Variants in CAMKMT observed in about 807,000 individuals in gnomAD.
CAMKMT encodes the protein calmodulin-lysine N-methyltransferase, also known as CaM KMT.
A neutral mutation model predicts 48.0 loss-of-function variants in CAMKMT; 53 were observed. The observed-to-expected ratio is 1.10, with a 90% CI of 0.89 to 1.39. CAMKMT has a LOEUF of 1.39. Among genes scored for constraint, CAMKMT ranks in the 40% most tolerant of loss-of-function variants. The pLI, the probability that CAMKMT is intolerant of heterozygous loss-of-function variation, is 0.00. For missense variants in CAMKMT, 428 were observed against 402.7 expected (o/e 1.06, Z -0.54); for synonymous variants, 165 against 152.3 (o/e 1.08, Z -0.61).
intron 2 of CAMKMT, among the ~76,000 whole-genome samples, chr2:44,378,063 A>C (rs1447221169): frequency 1.3e-5 from 2 of 152,252 alleles, no homozygotes; most frequent in Non-Finnish European, 2.9e-5. Flanking sequence ...ATTTAAAAGC[A>C]TAGTTTTATT....
At chr2:44,730,391 T>C (rs977067009) in intron 7 of CAMKMT, among the ~76,000 whole-genome samples, 7 of 152,248 alleles carry the variant, frequency 4.6e-5, no homozygotes, top group Non-Finnish European at 7.3e-5. Context: ...GTAATTCTTT[T>C]GTTTCATTTG....
chr2:44,492,542 G>C lies in CAMKMT; in HGVS notation c.376+102237G>C, dbSNP rs532444631. On this transcript the variant is annotated intron_variant, in intron 3 of 10. Transcript: ENST00000378494. ...TGTAGGTAAGGTGTTTTGCATCTGA[G>C]AGTGCGTTTGCCCAACTTAACTAAT... 5.5e-4 allele frequency among the ~76,000 whole-genome samples: 83 copies of C among 152,210 alleles called. 1 individual carries two copies. Among genetic ancestry groups the C allele is most frequent in the African/African-American group, 2.0e-3 (82 of 41,542 alleles).
At chr2:44,708,473 T>C (rs1160704851) in intron 6 of CAMKMT, among the ~76,000 whole-genome samples, 2 of 152,006 alleles carry the variant, frequency 1.3e-5, no homozygotes, top group African/African-American at 4.8e-5. Context: ...GTAACACTTG[T>C]ATGCTCTACA....
intron 3 of CAMKMT, among the ~76,000 whole-genome samples, chr2:44,433,398 AT>A (rs368383317): frequency 1.3e-5 from 2 of 150,920 alleles, no homozygotes; most frequent in African/African-American, 4.9e-5. Context: ...CTTTAAGTGT[AT>A]TTTTTTTTCA....
intron 2 of CAMKMT, among the ~76,000 whole-genome samples, chr2:44,385,618 G>T (rs1680717383): frequency 6.6e-6 from 1 of 152,090 alleles, no homozygotes; most frequent in African/African-American, 2.4e-5. Context: ...GTTTATCATA[G>T]ATGGCTTTTA....
At chr2:44,474,352 C>T (rs1436757668) in intron 3 of CAMKMT, among the ~76,000 whole-genome samples, 1 of 149,442 alleles carries the variant, frequency 6.7e-6, no homozygotes, top group African/African-American at 2.5e-5. Flanking sequence ...GAGGCTGAGG[C>T]AGGAGAATTG....
chr2:44,400,363 T>A (rs1004822900), intron 3 of CAMKMT, among the ~76,000 whole-genome samples: 3 of 151,782 alleles, frequency 2.0e-5, no homozygotes, highest in Non-Finnish European at 4.4e-5. Context: ...AAAAAAAAAA[T>A]GATCTAATGG....
At chr2:44,417,920 T>C (rs1458416914) in intron 3 of CAMKMT, among the ~76,000 whole-genome samples, 1 of 152,104 alleles carries the variant, frequency 6.6e-6, no homozygotes, top group Non-Finnish European at 1.5e-5. Context: ...AGGCCGGGCA[T>C]TGTGGCTCAT....
chr2:44,768,363 T>TATATATAGATATA (rs1558844484), intron 10 of CAMKMT, among the ~76,000 whole-genome samples: 1 of 72,012 alleles, frequency 1.4e-5, no homozygotes, highest in East Asian at 2.9e-4. Flanking sequence ...ATATATATAT[T>TATATATAGATATA]TTTTTTTTTT....
intron 2 of CAMKMT, 47 bp from the exon 3 acceptor site, chr2:44,390,194 T>C (rs1251695765): frequency 6.8e-7 from 1 of 1,473,256 alleles, no homozygotes; most frequent in East Asian, 2.3e-5. Context: ...ATACTAAAAA[T>C]GTTAACATTT....
chr2:44,670,986 T>C (rs1432073331), intron 3 of CAMKMT, among the ~76,000 whole-genome samples: 1 of 152,200 alleles, frequency 6.6e-6, no homozygotes, highest in Non-Finnish European at 1.5e-5. Flanking sequence ...CCAGGCCTTC[T>C]CAATCCTGGG....
chr2:44,362,458 G>T (rs999367427), intron 1 of CAMKMT, among the ~76,000 whole-genome samples: 1 of 151,802 alleles, frequency 6.6e-6, no homozygotes, highest in Non-Finnish European at 1.5e-5. Context: ...TCTCTGGTGC[G>T]CCCGCCGCTC....
chr2:44,572,540 G>A (rs563828545), intron 3 of CAMKMT, among the ~76,000 whole-genome samples: 2 of 152,272 alleles, frequency 1.3e-5, no homozygotes, highest in African/African-American at 4.8e-5. Flanking sequence ...TTCATTGATG[G>A]ACATTTAGGT....
chr2:44,418,836 T>G (rs1016113862), intron 3 of CAMKMT, among the ~76,000 whole-genome samples: 1 of 152,196 alleles, frequency 6.6e-6, no homozygotes, highest in African/African-American at 2.4e-5. Flanking sequence ...TGGGGAGAAT[T>G]GACATTTTAA....
chr2:44,560,396 T>C (rs562699029), intron 3 of CAMKMT, among the ~76,000 whole-genome samples: 1 of 152,212 alleles, frequency 6.6e-6, no homozygotes, highest in Non-Finnish European at 1.5e-5. Context: ...GCCACCTAAG[T>C]AGCTAGGACT....
At chr2:44,615,117 G>A (rs1216664118) in intron 3 of CAMKMT, among the ~76,000 whole-genome samples, 3 of 151,188 alleles carry the variant, frequency 2.0e-5, no homozygotes, top group African/African-American at 7.3e-5. Context: ...TTAGAGATAG[G>A]GTCTTGCTAT....
rs1358171437 is a variant in CAMKMT, at chr2:44,745,952, G to GGGCA, written c.698+2273_698+2276dup. 5.9e-5 allele frequency among the ~76,000 whole-genome samples: 9 copies of GGGCA among 152,212 alleles called. No homozygotes were observed. The East Asian group carries it at 7.7e-4, about 13-fold the overall frequency. On this transcript the variant is annotated intron_variant, in intron 8 of 10. Coordinates refer to ENST00000378494, the MANE Select transcript of CAMKMT (RefSeq NM_024766.5). ...GTTATTGCATGGATGCTGCTTCTAG[G>GGGCA]GGCAGGCAGGCAGGCAGGCAAACCG...
At chr2:44,750,839 C>T (rs1680125704) in intron 8 of CAMKMT, among the ~76,000 whole-genome samples, 1 of 152,120 alleles carries the variant, frequency 6.6e-6, no homozygotes, top group East Asian at 1.9e-4. Context: ...CATGGTGAAA[C>T]CCTGCCTCTA....
intron 3 of CAMKMT, among the ~76,000 whole-genome samples, chr2:44,504,797 A>G (rs1670177604): frequency 6.6e-6 from 1 of 152,000 alleles, no homozygotes; most frequent in African/African-American, 2.4e-5. Context: ...TGTCTTGCCC[A>G]TTGTGTTAGT....
Sources: gnomAD v4.1 joint callset for allele counts (sites outside exome capture counted in the v4.1 genomes callset) on GRCh38, gnomAD v4.1.1 for gene constraint, MANE v1.5 for transcripts, NCBI Gene and HGNC (gene_info 2026-07-23, HGNC 2026-07-21) for gene names.